The following TRIO variants were observed in gnomAD, a reference collection of about 807,000 sequenced individuals.
TRIO encodes triple functional domain protein.
A neutral mutation model predicts 351.9 loss-of-function variants in TRIO; 58 were observed. That is an observed-to-expected ratio of 0.16 (90% CI 0.13 to 0.21). TRIO has a LOEUF of 0.21. Among genes scored for constraint, TRIO ranks in the 10% least tolerant of loss-of-function variants. TRIO has a pLI of 1.00. For synonymous variants in TRIO, 1,758 were observed against 1,595.7 expected (o/e 1.10, Z -2.42); for missense variants, 3,201 against 4,027.8 (o/e 0.79, Z 5.56).
intron 1 of TRIO, among the ~76,000 whole-genome samples, chr5:14,160,863 G>A (rs1788406774): frequency 1.3e-5 from 2 of 152,122 alleles, no homozygotes; most frequent in South Asian, 4.1e-4. Context: ...TGTTTGCATG[G>A]TCTAGGATGG....
Position 14,481,672 on chromosome 5 carries a change from T to G in TRIO, c.6465+54T>G, listed in dbSNP as rs1396850924. The G allele has an allele frequency of 5.0e-6, 8 of 1,585,044 alleles. No homozygotes were observed. In the African/African-American group the frequency reaches 9.4e-5, roughly 19 times the overall value. On this transcript the variant is annotated intron_variant, in intron 45 of 56. Transcript: ENST00000344204. ...CTCCTCTGCCTTCATCTCTTTCTTT[T>G]GTCTTGGATTATTTCTCTCCACATA...
chr5:14,463,416 G>A (rs1753978476), intron 36 of TRIO, among the ~76,000 whole-genome samples: 2 of 152,166 alleles, frequency 1.3e-5, no homozygotes, highest in Non-Finnish European at 2.9e-5. Flanking sequence ...GGATCCCTAC[G>A]CTAGAGTGCA....
rs573388139 is a variant in TRIO, at chr5:14,194,261, AAAT to A, written c.157+50381_157+50383del. On this transcript the variant is annotated intron_variant, in intron 1 of 56. Transcript: ENST00000344204. ...TATTTTGTCTTACAACTTGATGTCT[AAAT>A]ATGTAAGCAGGTGGGAGTAGATTGT... Among the ~76,000 whole-genome samples the A allele has an allele frequency of 5.8e-3, 891 of 152,328 alleles. 7 individuals are homozygous for A. Among genetic ancestry groups the A allele is most frequent in the African/African-American group, 0.02 (845 of 41,574 alleles).
At chr5:14,244,216 A>G (rs1267642356) in intron 1 of TRIO, among the ~76,000 whole-genome samples, 2 of 152,236 alleles carry the variant, frequency 1.3e-5, no homozygotes, top group African/African-American at 2.4e-5. Flanking sequence ...GATATTTACA[A>G]TGTTGTATTA....
In TRIO at chr5:14,280,342, G is replaced by C; in HGVS notation, c.253G>C (p.Gly85Arg). Residue 85 changes from glycine to arginine, a missense_variant, in exon 3 of 57, where the codon GGT becomes CGT. By Grantham distance (125) the Gly-to-Arg change is moderately radical. Transcript: ENST00000344204. The part of the protein sequence containing the change: ...YLSGGRDKRG[G>R]PILTFPARSN... Reference sequence around the variant, plus strand: ...TTTAGGTGGGAGAGATAAACGTGGAGGTCCCATTTTAACGTTTCCGGCCCG... The same window carrying C: ...TTTAGGTGGGAGAGATAAACGTGGACGTCCCATTTTAACGTTTCCGGCCCG... 1.2e-6 allele frequency: 2 copies of C among 1,614,092 alleles called. No individual in the cohort carries two copies. The highest frequency in any genetic ancestry group is 1.7e-6 in the Non-Finnish European group (2 of 1,180,002).
chr5:14,265,021 T>G (rs1480444009), intron 1 of TRIO, among the ~76,000 whole-genome samples: 1 of 152,196 alleles, frequency 6.6e-6, no homozygotes, highest in Non-Finnish European at 1.5e-5. Context: ...TTAAAAATAC[T>G]GGCTGATTTA....
At chr5:14,155,291 T>C (rs1788041297) in intron 1 of TRIO, among the ~76,000 whole-genome samples, 1 of 152,190 alleles carries the variant, frequency 6.6e-6, no homozygotes, top group South Asian at 2.1e-4. Flanking sequence ...CATTTGAGAG[T>C]AGGTTACAAA....
At position 14,316,169 on chromosome 5, in the gene TRIO, G is replaced by T. The variant is rs73059530; in HGVS notation, c.1501-344G>T. Among the ~76,000 whole-genome samples, 5,887 of 152,266 alleles carry T rather than the reference G, an allele frequency of 0.039. 383 individuals carry two copies. The highest frequency in any genetic ancestry group is 0.13 in the African/African-American group (5,555 of 41,532). ...TATCCCAGGAATGCAGTTTCTGTTA[G>T]TTGATTTATGGCATTTAAGGCAAAT... On this transcript the variant is annotated intron_variant, in intron 8 of 56. Transcript: ENST00000344204.
intron 9 of TRIO, among the ~76,000 whole-genome samples, chr5:14,319,933 G>C (rs1739723938): frequency 6.6e-6 from 1 of 152,180 alleles, no homozygotes; most frequent in Admixed American, 6.5e-5. Context: ...TTGGATGGTA[G>C]TCAGGCGTGG....
rs1048818585 is a variant in TRIO, at chr5:14,369,646, C to T, written c.3216+123C>T. 30 of 1,264,998 alleles carry T rather than the reference C, an allele frequency of 2.4e-5. No homozygotes were observed. In the Admixed American group the frequency reaches 5.0e-4, roughly 21 times the overall value. 78.4% of individuals were successfully genotyped at this position (1,264,998 alleles called of 1,614,324 possible). A position where few individuals can be genotyped will look rare whatever the true frequency, so the allele number is the denominator to read the frequency against. On this transcript the variant is annotated intron_variant, in intron 18 of 56. Coordinates refer to ENST00000344204, the MANE Select transcript of TRIO (RefSeq NM_007118.4). ...ACCTCTTGCCTGCTGTGGAATGTAA[C>T]GGGGCAGTGTCGCATCAGTGAGAAG...
At chr5:14,199,460 TA>T (rs530637332) in intron 1 of TRIO, among the ~76,000 whole-genome samples, 24 of 152,346 alleles carry the variant, frequency 1.6e-4, no homozygotes, top group African/African-American at 5.8e-4. Flanking sequence ...GACTTAAGCT[TA>T]TTAGTTCTTG....
intron 1 of TRIO, among the ~76,000 whole-genome samples, chr5:14,183,168 T>C (rs1487869904): frequency 2.0e-5 from 3 of 152,160 alleles, no homozygotes; most frequent in Non-Finnish European, 4.4e-5. Context: ...GCTAGGTTTG[T>C]TCCCGGTGGC....
chr5:14,395,150 C>T (rs1356092441), intron 28 of TRIO, among the ~76,000 whole-genome samples: 1 of 152,190 alleles, frequency 6.6e-6, no homozygotes, highest in African/African-American at 2.4e-5. Flanking sequence ...GAAAAATCTA[C>T]AGACAGTAAT....
chr5:14,414,052 TACAGCCA>T (rs1206158148), intron 33 of TRIO, among the ~76,000 whole-genome samples: 18 of 152,236 alleles, frequency 1.2e-4, no homozygotes, highest in Admixed American at 3.3e-4. Context: ...ACTCAGGAAA[TACAGCCA>T]ACAGGTTTCT....
intron 34 of TRIO, 124 bp downstream of exon 34, chr5:14,420,145 T>TGTCC (rs1749997175): frequency 7.0e-7 from 1 of 1,426,116 alleles, no homozygotes; most frequent in African/African-American, 1.4e-5. Context: ...CTTCAGCACA[T>TGTCC]GGTCACTGAC....
rs141562112 is a variant in TRIO, at chr5:14,461,826, T to C, written c.5496+515T>C. Among the ~76,000 whole-genome samples the C allele has an allele frequency of 3.9e-3, 601 of 152,390 alleles. 2 individuals carry two copies. Among genetic ancestry groups the C allele is most frequent in the African/African-American group, 0.013 (522 of 41,590 alleles). On this transcript the variant is annotated intron_variant, in intron 35 of 56. Transcript: ENST00000344204. ...ATATTTATTATACTTACAGCTTGTCTTGAGTAGAAAATAACCAGTTAATTT... is the reference window on the plus strand; with the variant it reads ...ATATTTATTATACTTACAGCTTGTCCTGAGTAGAAAATAACCAGTTAATTT...
rs571826809 is a variant in TRIO, at chr5:14,176,042, G to A, written c.157+32160G>A. 2.6e-5 allele frequency among the ~76,000 whole-genome samples: 4 copies of A among 152,328 alleles called. No individual in the cohort carries two copies. In the East Asian group the frequency reaches 5.8e-4, roughly 22 times the overall value. ...AGAAAAGCCAGGCAGGGTGGCATAT[G>A]TCTGTAATTCCAGCACTTTGGGAAG... On this transcript the variant is annotated intron_variant, in intron 1 of 56. Transcript: ENST00000344204.
chr5:14,183,172 C>G (rs555958788), intron 1 of TRIO, among the ~76,000 whole-genome samples: 1 of 152,092 alleles, frequency 6.6e-6, no homozygotes, highest in Non-Finnish European at 1.5e-5. Context: ...GGTTTGTTCC[C>G]GGTGGCCTGG....
At chr5:14,390,547 G>A (rs1292179496) in intron 26 of TRIO, 2 of 554,204 alleles carry the variant, frequency 3.6e-6, no homozygotes, top group East Asian at 6.1e-5. Flanking sequence ...TTGACCCTGG[G>A]GATTTGCTGA....
Sources: gnomAD v4.1 joint callset for allele counts (sites outside exome capture counted in the v4.1 genomes callset) on GRCh38, gnomAD v4.1.1 for gene constraint, MANE v1.5 for transcripts, NCBI Gene and HGNC (gene_info 2026-07-23, HGNC 2026-07-21) for gene names.